RENBP: variants seen among roughly 807,000 people sequenced by gnomAD.
The protein encoded by RENBP is renin binding protein, also known as N-acylglucosamine 2-epimerase.
In RENBP, 16 loss-of-function variants were observed where a neutral mutation model predicts 37.8. The observed-to-expected ratio is 0.42, with a 90% confidence interval of 0.29 to 0.64. The LOEUF (loss-of-function observed/expected upper bound fraction) is 0.64. Ranked by LOEUF, RENBP falls within the 30% of genes least tolerant of loss-of-function variation. RENBP has a pLI of 0.19. For synonymous variants in RENBP, 170 were observed against 154.8 expected (o/e 1.10, Z -0.73); for missense variants, 347 against 379.5 (o/e 0.91, Z 0.71).
chrX:153,941,862 C>A lies in RENBP; in HGVS notation c.769+88G>T, dbSNP rs782798472. ...CTCCTCTGCCTCCTCAAGGCGCCCCCGCCAGGCACTCCCATATCTGAAGCC... is the reference window on the plus strand; with the variant it reads ...CTCCTCTGCCTCCTCAAGGCGCCCCAGCCAGGCACTCCCATATCTGAAGCC... On this transcript the variant is annotated intron_variant, in intron 7 of 10. Transcript: ENST00000393700. 2.5e-5 allele frequency: 23 copies of A among 905,278 alleles called. No homozygotes were observed. The South Asian group carries it at 4.2e-4, about 16-fold the overall frequency. The allele number at this position is 905,278 out of a possible 1,213,427, so 74.6% of individuals were successfully genotyped here. A position where few individuals can be genotyped will look rare whatever the true frequency, so the allele number is the denominator to read the frequency against.
chrX:153,936,007 T>C (rs1234702647), intron 9 of RENBP: 6 of 206,792 alleles, frequency 2.9e-5, no homozygotes, highest in Non-Finnish European at 5.3e-5. Context: ...CACGCACTTG[T>C]AATCCCAGCA....
In RENBP at chrX:153,943,925, G is replaced by GGCGGAA. The variant is rs2065238294; in HGVS notation, c.253_258dup (p.Phe85_Arg86dup). The GGCGGAA allele has an allele frequency of 8.4e-7, 1 of 1,183,635 alleles. No homozygotes were observed. The highest frequency in any genetic ancestry group is 3.1e-5 in the East Asian group (1 of 31,975). On this transcript the variant is annotated inframe_insertion, in exon 4 of 11. Transcript: ENST00000393700. ...TTTGCTGCGTCCAGAAGCTGAGCAT[G>GGCGGAA]GCGGAAGCGCTCGAAAGTGCGGTAC...
intron 9 of RENBP, among the ~76,000 whole-genome samples, chrX:153,938,475 A>G (rs1485760870): frequency 8.9e-6 from 1 of 112,502 alleles, no homozygotes; most frequent in East Asian, 2.8e-4. Context: ...GTGGAGTCGG[A>G]GTCGTGGCTT....
intron 9 of RENBP, among the ~76,000 whole-genome samples, chrX:153,939,287 A>T (rs2065216745): frequency 1.8e-5 from 2 of 111,378 alleles, no homozygotes. Flanking sequence ...AGGTCTCGTT[A>T]TGTTGCCCAG....
At position 153,942,037 on chromosome X, in the gene RENBP, G is replaced by T; in HGVS notation, c.688-6C>A. 8.7e-7 allele frequency: 1 copy of T among 1,154,490 alleles called. No individual in the cohort carries two copies. The highest frequency in any genetic ancestry group is 3.3e-5 in the East Asian group (1 of 30,499). ...AGCACAGCTTGTCCATCCCTCTACC[G>T]GGAAGGAGCAGAAGGGAATGTTGCC... is the stretch of plus-strand genomic sequence containing the variant. On this transcript the variant is annotated splice_region_variant and splice_polypyrimidine_tract_variant and intron_variant, in intron 6 of 10. Coordinates refer to ENST00000393700, the MANE Select transcript of RENBP (RefSeq NM_002910.6).
intron 6 of RENBP, 178 bp from the exon 7 acceptor site, chrX:153,942,209 C>T (rs2065229960): frequency 2.8e-6 from 1 of 355,913 alleles, no homozygotes; most frequent in Non-Finnish European, 4.9e-6. Flanking sequence ...TGATTCACTC[C>T]CTTGGGCCTA....
At chrX:153,944,188 C>G (rs370020218) in intron 2 of RENBP, 33 bp from the exon 3 acceptor site, 1 of 1,190,683 alleles carries the variant, frequency 8.4e-7, no homozygotes, top group African/African-American at 1.8e-5. Context: ...AAGTCTGGAA[C>G]GGGCCTTGCC....
At chrX:153,936,290 A>G (rs929082417) in intron 9 of RENBP, among the ~76,000 whole-genome samples, 53 of 109,224 alleles carry the variant, frequency 4.9e-4, no homozygotes, top group Non-Finnish European at 7.8e-4. Flanking sequence ...GGCGGATCAC[A>G]AGGTCAGGAG....
intron 6 of RENBP, 166 bp from the exon 7 acceptor site, chrX:153,942,197 G>T: frequency 2.5e-6 from 1 of 405,499 alleles, no homozygotes; most frequent in Non-Finnish European, 4.3e-6. Flanking sequence ...TTAAGGAGGG[G>T]CTGATTCACT....
rs891683531 is a variant in RENBP, at chrX:153,942,444, C to T, written c.687+411G>A. 4.5e-5 allele frequency: 9 copies of T among 201,321 alleles called. No homozygotes were observed. In the Admixed American group the frequency reaches 6.4e-4, roughly 14 times the overall value. The allele number at this position is 201,321 out of a possible 1,213,427, so 16.6% of individuals were successfully genotyped here. Reference sequence around the variant, plus strand: ...TAGAGACGGGGTTTCACTATATTGGCCAGGCTGGTCTCCAACTCCTGACCT... The same window carrying T: ...TAGAGACGGGGTTTCACTATATTGGTCAGGCTGGTCTCCAACTCCTGACCT... On this transcript the variant is annotated intron_variant, in intron 6 of 10. Transcript: ENST00000393700.
At chrX:153,941,424 GGC>G (rs2065225474) in intron 8 of RENBP, 52 bp downstream of exon 8, 1 of 1,168,922 alleles carries the variant, frequency 8.6e-7, no homozygotes, top group Non-Finnish European at 1.2e-6. Context: ...CACCTCCCTG[GGC>G]AGAAAGCCTT....
intron 8 of RENBP, 131 bp from the exon 9 acceptor site, chrX:153,940,364 C>T (rs1165728103): frequency 1.5e-5 from 12 of 782,740 alleles, no homozygotes; most frequent in Non-Finnish European, 2.2e-5. Context: ...TCTGAAGGAC[C>T]CCTCCCAGTG....
rs1232072685 is a variant in RENBP, at chrX:153,935,275, G to T, written c.*11C>A. The T allele has an allele frequency of 1.1e-5, 8 of 718,353 alleles. No individual in the cohort carries two copies. The highest frequency in any genetic ancestry group is 1.5e-5 in the Non-Finnish European group (8 of 539,852). 59.2% of individuals were successfully genotyped at this position (718,353 alleles called of 1,213,427 possible). A position where few individuals can be genotyped will look rare whatever the true frequency, so the allele number is the denominator to read the frequency against. On this transcript the variant is annotated 3_prime_UTR_variant, in exon 11 of 11. Transcript: ENST00000393700. ...ACGCGCGCACAGCCGCAGGTGGAGC[G>T]GACTCAGCCTTTATTCCGCGCCTCG...
intron 9 of RENBP, 61 bp from the exon 10 acceptor site, chrX:153,935,637 C>G: frequency 2.1e-6 from 2 of 975,117 alleles, no homozygotes; most frequent in Non-Finnish European, 2.9e-6. Context: ...GCCACTGCAT[C>G]GCTACCAGGG....
chrX:153,943,098 AG>A lies in RENBP; in HGVS notation c.463-20del. ...CTTCCGTCTGGGGGTGCAGGAGGCA[AG>A]GGGAGGCCCAGGCTGAGGCTACATC... On this transcript the variant is annotated intron_variant, in intron 5 of 10. Transcript: ENST00000393700. 9.2e-7 allele frequency: 1 copy of A among 1,089,898 alleles called. No individual in the cohort carries two copies. The highest frequency in any genetic ancestry group is 3.6e-4 in the Middle Eastern group (1 of 2,786). 89.8% of individuals were successfully genotyped at this position (1,089,898 alleles called of 1,213,427 possible). A position where few individuals can be genotyped will look rare whatever the true frequency, so the allele number is the denominator to read the frequency against.
In RENBP at chrX:153,943,972, T is replaced by A; in HGVS notation, c.214-2A>T. On this transcript the variant is annotated splice_acceptor_variant, in intron 3 of 10. Transcript: ENST00000393700. LOFTEE classifies it high-confidence loss of function. ...GTACAGGCGACAATACATCCATACC[T>A]GCGGGGTACGGGAGGGAAAGTGGCT... The A allele has an allele frequency of 3.3e-6, 4 of 1,202,825 alleles. No individual in the cohort carries two copies. The East Asian group carries it at 1.2e-4, about 36-fold the overall frequency.
chrX:153,942,162 G>T, intron 6 of RENBP, 131 bp from the exon 7 acceptor site: 3 of 487,362 alleles, frequency 6.2e-6, no homozygotes, highest in Non-Finnish European at 1.1e-5. Context: ...CTGCTGGCTT[G>T]GGTGGGCCAG....
intron 9 of RENBP, chrX:153,936,059 G>T: frequency 5.6e-6 from 1 of 178,465 alleles, no homozygotes; most frequent in Non-Finnish European, 1.1e-5. Flanking sequence ...CTTGAACACA[G>T]GAGGCGGAGG....
rs78377269 is a variant in RENBP, at chrX:153,941,584, G to T, written c.839C>A (p.Ala280Asp). Residue 280 changes from alanine (A) to aspartate (D), a missense_variant, in exon 8 of 11, where the codon GCC (alanine) becomes GAC (aspartate). Transcript: ENST00000393700. Reference protein sequence around the residue: ...CIRKGDPELRAHVIDKFLLLP... With the variant: ...CIRKGDPELRDHVIDKFLLLP... ...CAATAGGAACTTGTCAATCACGTGG[G>T]CTCGAAGTTCGGGGTCGCCTTTCCG... 0.033 allele frequency: 39,499 copies of T among 1,205,541 alleles called. 540 individuals are homozygous for T. The highest frequency in any genetic ancestry group is 0.052 in the African/African-American group (2,917 of 55,997).
Sources: gnomAD v4.1 joint callset for allele counts (sites outside exome capture counted in the v4.1 genomes callset) on GRCh38, gnomAD v4.1.1 for gene constraint, MANE v1.5 for transcripts, NCBI Gene and HGNC (gene_info 2026-07-23, HGNC 2026-07-21) for gene names.